PINX1: variants seen among roughly 807,000 people sequenced by gnomAD.
PINX1 encodes PIN2 (TERF1) interacting telomerase inhibitor 1.
A neutral mutation model predicts 25.4 loss-of-function variants in PINX1; 34 were observed. The ratio of observed to expected loss-of-function variants is 1.34; its 90% confidence interval spans 1.02 to 1.78. The LOEUF (loss-of-function observed/expected upper bound fraction) is 1.78, where lower values mean the gene tolerates loss of function less well. Ranked by LOEUF, PINX1 falls within the 40% of genes most tolerant of loss-of-function variation. PINX1 has a pLI of 0.00. For synonymous variants in PINX1, 197 were observed against 147.7 expected (o/e 1.33, Z -2.42); for missense variants, 592 against 404.9 (o/e 1.46, Z -3.97).
chr8:10,823,562 T>C (rs1209881413), intron 5 of PINX1, among the ~76,000 whole-genome samples: 2 of 152,098 alleles, frequency 1.3e-5, no homozygotes, highest in African/African-American at 4.8e-5. Context: ...AGTTGAGCCT[T>C]TAAATAAGTA....
At chr8:10,818,374 G>C (rs74718046) in intron 6 of PINX1, among the ~76,000 whole-genome samples, 1 of 152,134 alleles carries the variant, frequency 6.6e-6, no homozygotes, top group African/African-American at 2.4e-5. Flanking sequence ...ACACCACACA[G>C]TGTTGAAAAC....
chr8:10,816,733 C>A (rs1009927804), intron 6 of PINX1, among the ~76,000 whole-genome samples: 4 of 152,216 alleles, frequency 2.6e-5, no homozygotes, highest in Non-Finnish European at 4.4e-5. Flanking sequence ...CCTAACTAAC[C>A]CCCTTCAATG....
intron 6 of PINX1, chr8:10,771,453 T>C (rs1801220252): frequency 6.6e-6 from 1 of 152,256 alleles, no homozygotes; most frequent in Admixed American, 6.5e-5. Flanking sequence ...TTCCCCATAA[T>C]AGCAACTTGT....
chr8:10,802,347 C>G (rs1484486130), intron 6 of PINX1, among the ~76,000 whole-genome samples: 1 of 152,186 alleles, frequency 6.6e-6, no homozygotes, highest in African/African-American at 2.4e-5. Flanking sequence ...ACACTCATGA[C>G]ATTCCCTTGG....
intron 5 of PINX1, among the ~76,000 whole-genome samples, chr8:10,824,811 C>T (rs535657008): frequency 2.0e-5 from 3 of 152,356 alleles, no homozygotes; most frequent in Admixed American, 6.5e-5. Context: ...TGCAACAGCA[C>T]CTTCTGTGAT....
intron 4 of PINX1, among the ~76,000 whole-genome samples, chr8:10,829,962 C>G (rs1378880653): frequency 6.6e-6 from 1 of 152,072 alleles, no homozygotes; most frequent in Non-Finnish European, 1.5e-5. Context: ...GGTATTACAC[C>G]GTGCCCAGCC....
At chr8:10,832,835 T>C in intron 3 of PINX1, 57 bp downstream of exon 3, 1 of 985,958 alleles carries the variant, frequency 1.0e-6, no homozygotes. Context: ...ACTTTCAGAT[T>C]TACAAGACTG....
At chr8:10,772,165 G>A (rs138078364) in intron 6 of PINX1, among the ~76,000 whole-genome samples, 6 of 152,370 alleles carry the variant, frequency 3.9e-5, no homozygotes, top group Admixed American at 6.5e-5. Context: ...GAGAGTTCTC[G>A]TGCATACCAC....
At chr8:10,799,391 T>A (rs554417338) in intron 6 of PINX1, among the ~76,000 whole-genome samples, 3 of 152,326 alleles carry the variant, frequency 2.0e-5, no homozygotes, top group Non-Finnish European at 4.4e-5. Context: ...GGCCTGACAG[T>A]TGCTGGGGAA....
intron 6 of PINX1, among the ~76,000 whole-genome samples, chr8:10,773,229 C>T (rs1254781070): frequency 6.6e-6 from 1 of 152,124 alleles, no homozygotes; most frequent in East Asian, 1.9e-4. Flanking sequence ...TTTATATACA[C>T]ACATGTACAT....
At chr8:10,792,323 T>C (rs989216912) in intron 6 of PINX1, among the ~76,000 whole-genome samples, 8 of 151,992 alleles carry the variant, frequency 5.3e-5, no homozygotes, top group Non-Finnish European at 1.0e-4. Context: ...TTGTCCTTTA[T>C]GGACTAGCAA....
In PINX1 at chr8:10,765,720, T is replaced by A. The variant is rs1297366723; in HGVS notation, c.668A>T (p.Asp223Val). 2 of 1,613,954 alleles carry A rather than the reference T, an allele frequency of 1.2e-6. No homozygotes were observed. The highest frequency in any genetic ancestry group is 1.7e-6 in the Non-Finnish European group (2 of 1,179,822). ...KKRNKEATGK[D>V]VESYLQPKAK... is the part of the protein sequence containing the mutation. The stretch of plus-strand genomic sequence containing the variant: ...CTTAGGCTGGAGGTAACTTTCCACA[T>A]CTTTACCTGTGGCCTCTTTATTTCT... Residue 223 changes from aspartate (D) to valine (V), a missense_variant, in exon 7 of 7, where the codon GAT becomes GTT. By Grantham distance (152) the Asp-to-Val change is radical. Transcript: ENST00000314787.
In PINX1 at chr8:10,792,231, C is replaced by T. The variant is rs182381614; in HGVS notation, c.472-26315G>A. Among the ~76,000 whole-genome samples, 79 of 152,160 alleles carry T rather than the reference C, an allele frequency of 5.2e-4. No homozygotes were observed. The East Asian group carries it at 0.015, about 28-fold the overall frequency. The stretch of plus-strand genomic sequence containing the variant: ...GATGGGCCTGCAGCTGCAGGTTCCT[C>T]TCTGCCCTCTTTCCACTTCACGTCC... On this transcript the variant is annotated intron_variant, in intron 6 of 6. Coordinates refer to ENST00000314787, the MANE Select transcript of PINX1 (RefSeq NM_017884.6).
intron 6 of PINX1, among the ~76,000 whole-genome samples, chr8:10,818,487 A>C (rs370614157): frequency 2.0e-5 from 3 of 152,052 alleles, no homozygotes; most frequent in East Asian, 1.9e-4. Context: ...CAAACACATA[A>C]ATTCTCTTAA....
intron 2 of PINX1, 47 bp from the exon 3 acceptor site, chr8:10,833,031 C>G: frequency 1.6e-6 from 2 of 1,223,830 alleles, no homozygotes; most frequent in Non-Finnish European, 2.3e-6. Context: ...CTCACTGATA[C>G]TCAGAAGCAG....
chr8:10,778,648 A>G (rs180758700), intron 6 of PINX1, among the ~76,000 whole-genome samples: 2 of 152,348 alleles, frequency 1.3e-5, no homozygotes, highest in African/African-American at 4.8e-5. Flanking sequence ...CATCTGAGAC[A>G]CGTGGCCGCT....
At chr8:10,832,338 G>T (rs1798248691) in intron 3 of PINX1, among the ~76,000 whole-genome samples, 1 of 152,138 alleles carries the variant, frequency 6.6e-6, no homozygotes, top group African/African-American at 2.4e-5. Context: ...AAACCAGTGG[G>T]AAGCAGGGTT....
At chr8:10,774,307 G>A (rs1021100774) in intron 6 of PINX1, among the ~76,000 whole-genome samples, 2 of 149,532 alleles carry the variant, frequency 1.3e-5, no homozygotes, top group Non-Finnish European at 3.0e-5. Flanking sequence ...TTGAGACGGA[G>A]TTTCACTCTT....
At chr8:10,825,244 G>C in intron 5 of PINX1, 1 of 466,994 alleles carries the variant, frequency 2.1e-6, no homozygotes, top group Non-Finnish European at 4.4e-6. Context: ...CAAGTTAAGA[G>C]CTTCCCAGCA....
Sources: gnomAD v4.1 joint callset for allele counts (sites outside exome capture counted in the v4.1 genomes callset) on GRCh38, gnomAD v4.1.1 for gene constraint, MANE v1.5 for transcripts, NCBI Gene and HGNC (gene_info 2026-07-23, HGNC 2026-07-21) for gene names.